The following BAZ1B variants were observed in gnomAD, a reference collection of about 807,000 sequenced individuals.
The protein encoded by BAZ1B is tyrosine-protein kinase BAZ1B.
BAZ1B carries 22 observed loss-of-function variants against 153.8 expected under a neutral mutation model. The ratio of observed to expected loss-of-function variants is 0.14; its 90% CI spans 0.10 to 0.20. The LOEUF (loss-of-function observed/expected upper bound fraction) is 0.20. BAZ1B is among the 10% of genes least tolerant of loss of function. The pLI, the probability that BAZ1B is intolerant of heterozygous loss-of-function variation, is 1.00. For synonymous variants in BAZ1B, 676 were observed against 633.4 expected (o/e 1.07, Z -1.01); for missense variants, 1,325 against 1,799.3 (o/e 0.74, Z 4.77).
At chr7:73,486,657 T>C (rs1446243303) in intron 6 of BAZ1B, among the ~76,000 whole-genome samples, 2 of 152,084 alleles carry the variant, frequency 1.3e-5, no homozygotes, top group East Asian at 1.9e-4. Flanking sequence ...CTCACTCTCT[T>C]TACACCTGGT....
intron 5 of BAZ1B, among the ~76,000 whole-genome samples, chr7:73,491,349 A>G (rs947837890): frequency 3.5e-4 from 54 of 152,196 alleles, no homozygotes; most frequent in Non-Finnish European, 2.9e-5. Context: ...TTGTAATCCC[A>G]GCACTTTGGG....
Position 73,508,237 on chromosome 7 carries a change from A to T in BAZ1B, c.369+90T>A, listed in dbSNP as rs1790424973. 3 of 1,315,414 alleles carry T rather than the reference A, an allele frequency of 2.3e-6. No homozygotes were observed. In the African/African-American group the frequency reaches 4.4e-5, roughly 19 times the overall value. The allele number at this position is 1,315,414 out of a possible 1,614,324, so 81.5% of individuals were successfully genotyped here. On this transcript the variant is annotated intron_variant, in intron 3 of 19. Transcript: ENST00000339594. ...TTAAATATAATACTAAATATAACACAGTTTTACACACATAGAAATGTGTTC... is the reference window on the plus strand; with the variant it reads ...TTAAATATAATACTAAATATAACACTGTTTTACACACATAGAAATGTGTTC...
chr7:73,450,936 C>T lies in BAZ1B; in HGVS notation c.3491G>A (p.Arg1164Lys). ...AAGCATCCCAAGCAGCACGTGCATC[C>T]TGGAGAAAGTCTGAGCTTCCCGGAT... The part of the protein sequence containing the change: ...TAIREAQTFS[R>K]MHVLLGMLDA... The change falls in exon 14 of 20, where the codon AGG (arginine) becomes AAG (lysine). Residue 1164 changes from arginine to lysine, a missense_variant. By Grantham distance (26) the Arg-to-Lys change is conservative. Around this residue, in one of 9 missense-constraint regions of BAZ1B, gnomAD observed 431 missense variants for 563.5 expected, o/e 0.76. Transcript: ENST00000339594. This position sits in a 1 kb window ranked among gnomAD's most constrained non-coding sequence, Gnocchi z 4.1. 1 of 1,614,184 alleles carries T rather than the reference C, an allele frequency of 6.2e-7. No individual in the cohort carries two copies. Among genetic ancestry groups the T allele is most frequent in the Non-Finnish European group, 8.5e-7 (1 of 1,180,034 alleles).
Position 73,478,566 on chromosome 7 carries a change from T to C in BAZ1B, c.895A>G (p.Met299Val). 3 of 1,501,980 alleles carry C rather than the reference T, an allele frequency of 2.0e-6. No homozygotes were observed. In the South Asian group the frequency reaches 4.1e-5, roughly 21 times the overall value. 93.0% of individuals were successfully genotyped at this position (1,501,980 alleles called of 1,614,324 possible). A position where few individuals can be genotyped will look rare whatever the true frequency, so the allele number is the denominator to read the frequency against. The change falls in exon 7 of 20, where the codon ATG becomes GTG. Residue 299 changes from methionine (M) to valine (V), a missense_variant. Physicochemically the swap from Met to Val is conservative, Grantham distance 21. Coordinates refer to ENST00000339594, the MANE Select transcript of BAZ1B (RefSeq NM_032408.4). ...SDFLLDPYKY[M>V]TLNPSTKRKN... is the part of the protein sequence containing the mutation. The stretch of plus-strand genomic sequence containing the variant: ...CTCTTAGTAGAAGGGTTGAGAGTCA[T>C]ATACTAGAATTTAAGAATAGGAGCA...
At position 73,450,945 on chromosome 7, in the gene BAZ1B, G is replaced by T; in HGVS notation, c.3482C>A (p.Thr1161Asn). 1 of 1,614,160 alleles carries T rather than the reference G, an allele frequency of 6.2e-7. No individual in the cohort carries two copies. Among genetic ancestry groups the T allele is most frequent in the Non-Finnish European group, 8.5e-7 (1 of 1,180,044 alleles). Residue 1161 changes from threonine (T) to asparagine (N), a missense_variant, in exon 14 of 20, where the codon ACT becomes AAT. Coordinates refer to ENST00000339594, the MANE Select transcript of BAZ1B (RefSeq NM_032408.4). This position sits in a 1 kb window ranked among gnomAD's most constrained non-coding sequence, Gnocchi z 4.1. ...AAGCAGCACGTGCATCCTGGAGAAA[G>T]TCTGAGCTTCCCGGATTGCTGTCTT... ...KWKTAIREAQ[T>N]FSRMHVLLGM...
chr7:73,498,425 C>A (rs1563394749), intron 4 of BAZ1B, 72 bp downstream of exon 4: 1 of 1,414,102 alleles, frequency 7.1e-7, no homozygotes, highest in South Asian at 1.2e-5. Context: ...GCTAGAGAAC[C>A]CTAAAAGATG....
intron 12 of BAZ1B, among the ~76,000 whole-genome samples, chr7:73,461,332 A>T (rs1302690171): frequency 1.3e-5 from 2 of 152,210 alleles, no homozygotes; most frequent in African/African-American, 4.8e-5. Context: ...GAAAAGAAAT[A>T]AAAAATGTCC....
intron 4 of BAZ1B, among the ~76,000 whole-genome samples, chr7:73,496,493 A>C (rs1481053093): frequency 2.0e-5 from 3 of 152,202 alleles, no homozygotes; most frequent in Non-Finnish European, 4.4e-5. Context: ...GTTAAATAGT[A>C]AGCTAACATT....
chr7:73,497,085 C>CAAAAAAAAAAAAAAAAAAAAA (rs1789939143), intron 4 of BAZ1B, among the ~76,000 whole-genome samples: 1 of 106,370 alleles, frequency 9.4e-6, no homozygotes, highest in African/African-American at 4.2e-5. Flanking sequence ...AAAAAAAAAC[C>CAAAAAAAAAAAAAAAAAAAAA]TACAAAAATT....
intron 16 of BAZ1B, among the ~76,000 whole-genome samples, chr7:73,445,457 A>C (rs1248718527): frequency 1.3e-5 from 2 of 152,186 alleles, no homozygotes; most frequent in Non-Finnish European, 2.9e-5. Flanking sequence ...TCCTTTTGGC[A>C]AGTCGAGGCC....
Position 73,481,192 on chromosome 7 carries a change from G to A in BAZ1B, c.892-2623C>T, listed in dbSNP as rs2116349961. Among the ~76,000 whole-genome samples, 3 of 151,834 alleles carry A rather than the reference G, an allele frequency of 2.0e-5. No homozygotes were observed. In the Middle Eastern group the frequency reaches 0.01, roughly 516 times the overall value. ...CCCACCTCCGCCTCCCAAAGTGCTGGGATTACAGGCATGAGCCACCCAGCC... is the reference window on the plus strand; with the variant it reads ...CCCACCTCCGCCTCCCAAAGTGCTGAGATTACAGGCATGAGCCACCCAGCC... On this transcript the variant is annotated intron_variant, in intron 6 of 19. Transcript: ENST00000339594.
In BAZ1B at chr7:73,513,873, G is replaced by GA. The variant is rs112002099; in HGVS notation, c.108-3022dup. Among the ~76,000 whole-genome samples the GA allele has an allele frequency of 6.4e-3, 898 of 141,410 alleles. 16 individuals carry two copies. The highest frequency in any genetic ancestry group is 0.047 in the East Asian group (231 of 4,908). 92.8% of individuals were successfully genotyped at this position (141,410 alleles called of 152,430 possible). A position where few individuals can be genotyped will look rare whatever the true frequency, so the allele number is the denominator to read the frequency against. Reference sequence around the variant, plus strand: ...GCGACTTTACAAAAAACTATTAAAAGAAAAAAAAAAACTCACTGTGTCATC... The same window carrying GA: ...GCGACTTTACAAAAAACTATTAAAAGAAAAAAAAAAAACTCACTGTGTCATC... On this transcript the variant is annotated intron_variant, in intron 1 of 19. Coordinates refer to ENST00000339594, the MANE Select transcript of BAZ1B (RefSeq NM_032408.4).
intron 3 of BAZ1B, among the ~76,000 whole-genome samples, chr7:73,499,331 A>G (rs1219428986): frequency 6.6e-6 from 1 of 151,960 alleles, no homozygotes; most frequent in African/African-American, 2.4e-5. Flanking sequence ...CCTGGCCTAC[A>G]TTTTAAAAAA....
At chr7:73,449,283 G>T (rs896860984) in intron 15 of BAZ1B, among the ~76,000 whole-genome samples, 8 of 152,136 alleles carry the variant, frequency 5.3e-5, no homozygotes, top group Non-Finnish European at 1.2e-4. Context: ...CAGAGAGAGA[G>T]ATTTCATTAC....
intron 5 of BAZ1B, among the ~76,000 whole-genome samples, chr7:73,490,411 A>G (rs550015726): frequency 2.0e-5 from 3 of 152,154 alleles, no homozygotes; most frequent in Non-Finnish European, 4.4e-5. Context: ...AATTTTTTTT[A>G]AAAAGTCACT....
intron 3 of BAZ1B, among the ~76,000 whole-genome samples, chr7:73,503,971 C>CA (rs543533902): frequency 5.1e-4 from 77 of 152,276 alleles, no homozygotes; most frequent in Non-Finnish European, 7.8e-4. Flanking sequence ...TAGTACTCTT[C>CA]AACAACAGCA....
chr7:73,494,393 C>T (rs1185366217), intron 4 of BAZ1B, among the ~76,000 whole-genome samples: 1 of 151,328 alleles, frequency 6.6e-6, no homozygotes, highest in African/African-American at 2.4e-5. Context: ...AAAAAGAAGA[C>T]GAACATAAAA....
In BAZ1B at chr7:73,447,507, A is replaced by G. The variant is rs547726286; in HGVS notation, c.3729-128T>C. 8.2e-6 allele frequency: 10 copies of G among 1,215,622 alleles called. No homozygotes were observed. In the South Asian group the frequency reaches 1.8e-4, roughly 21 times the overall value. 75.3% of individuals were successfully genotyped at this position (1,215,622 alleles called of 1,614,324 possible). On this transcript the variant is annotated intron_variant, in intron 15 of 19. Transcript: ENST00000339594. Reference sequence around the variant, plus strand: ...ACATATGTATAACGTATGATAATTCAGGGAGGGAACCTGAATGTAAGCCAG... The same window carrying G: ...ACATATGTATAACGTATGATAATTCGGGGAGGGAACCTGAATGTAAGCCAG...
intron 1 of BAZ1B, among the ~76,000 whole-genome samples, chr7:73,521,574 G>C (rs1323349191): frequency 2.0e-5 from 3 of 151,974 alleles, no homozygotes; most frequent in Non-Finnish European, 4.4e-5. Context: ...CGAGGCCCCG[G>C]GACAAAGTGC....
Sources: gnomAD v4.1 joint callset for allele counts (sites outside exome capture counted in the v4.1 genomes callset) on GRCh38, gnomAD v4.1.1 for gene constraint, gnomAD v4.1.1 regional missense constraint, Gnocchi (gnomAD v3.1) non-coding constraint, MANE v1.5 for transcripts, NCBI Gene and HGNC (gene_info 2026-07-23, HGNC 2026-07-21) for gene names.